The following OSBPL10 variants were observed in gnomAD, a reference collection of about 807,000 sequenced individuals.
OSBPL10 encodes oxysterol binding protein like 10, also known as oxysterol-binding protein-related protein 10.
In OSBPL10, 49 loss-of-function variants were observed where a neutral mutation model predicts 81.7. That is an observed-to-expected ratio of 0.60 (90% CI 0.48 to 0.76). The LOEUF (loss-of-function observed/expected upper bound fraction) is 0.76, where lower values mean the gene tolerates loss of function less well. Ranked by LOEUF, OSBPL10 falls within the 30% of genes least tolerant of loss-of-function variation. OSBPL10 has a pLI of 0.00. For synonymous variants in OSBPL10, 419 were observed against 383.6 expected (o/e 1.09, Z -1.08); for missense variants, 923 against 987.8 (o/e 0.93, Z 0.88).
chr3:31,667,997 C>T (rs1449324594), intron 10 of OSBPL10, among the ~76,000 whole-genome samples: 1 of 152,210 alleles, frequency 6.6e-6, no homozygotes, highest in South Asian at 2.1e-4. Context: ...ATTTACTTAA[C>T]CATTTTCCAA....
intron 1 of OSBPL10, among the ~76,000 whole-genome samples, chr3:31,915,684 T>C (rs1346045385): frequency 1.3e-5 from 2 of 152,092 alleles, no homozygotes; most frequent in Non-Finnish European, 2.9e-5. Flanking sequence ...GGATCATTCA[T>C]ACCTCAAACG....
chr3:31,733,126 A>G (rs1697028913), intron 6 of OSBPL10, 131 bp downstream of exon 6: 3 of 1,286,224 alleles, frequency 2.3e-6, no homozygotes, highest in Non-Finnish European at 3.2e-6. Context: ...TTGTCTCTCC[A>G]GGCAATTCTT....
At chr3:31,882,685 A>G (rs1016413926) in intron 1 of OSBPL10, among the ~76,000 whole-genome samples, 3 of 152,198 alleles carry the variant, frequency 2.0e-5, no homozygotes, top group Non-Finnish European at 4.4e-5. Flanking sequence ...ACACACACAC[A>G]CGCACTGGAA....
chr3:31,837,255 A>T (rs1279233737), intron 3 of OSBPL10, among the ~76,000 whole-genome samples: 4 of 142,582 alleles, frequency 2.8e-5, no homozygotes, highest in African/African-American at 1.0e-4. Context: ...ATCATCATAA[A>T]CACACAACAC....
chr3:32,076,938 G>A (rs1244016352), intron 1 of OSBPL10, among the ~76,000 whole-genome samples: 1 of 152,022 alleles, frequency 6.6e-6, no homozygotes, highest in Non-Finnish European at 1.5e-5. Context: ...CTGATATTTT[G>A]CAAAATAAAG....
chr3:32,029,185 A>C (rs1311782296), intron 2 of OSBPL10, among the ~76,000 whole-genome samples: 1 of 152,156 alleles, frequency 6.6e-6, no homozygotes, highest in African/African-American at 2.4e-5. Flanking sequence ...AGACCCCAGA[A>C]GTATGCCAAC....
intron 3 of OSBPL10, 33 bp from the exon 4 acceptor site, chr3:31,830,264 A>G: frequency 6.3e-7 from 1 of 1,582,146 alleles, no homozygotes; most frequent in Non-Finnish European, 8.6e-7. Context: ...AAACTCAACA[A>G]CTGACCTGCA....
chr3:31,874,271 A>G (rs76321083), intron 3 of OSBPL10, among the ~76,000 whole-genome samples: 4,238 of 152,256 alleles, frequency 0.028, 206 homozygotes, highest in African/African-American at 0.095. Flanking sequence ...TAATTAACCT[A>G]TAAACTCCTT....
At chr3:31,749,441 A>G (rs1398487283) in intron 4 of OSBPL10, among the ~76,000 whole-genome samples, 1 of 152,244 alleles carries the variant, frequency 6.6e-6, no homozygotes, top group East Asian at 1.9e-4. Context: ...CAGAGGATCT[A>G]CCTAGCCATT....
chr3:31,993,164 C>CTTATTTTATT (rs143583788), intron 2 of OSBPL10, among the ~76,000 whole-genome samples: 5,559 of 129,052 alleles, frequency 0.043, 191 homozygotes, highest in African/African-American at 0.061. Flanking sequence ...GTAAGAAAAC[C>CTTATTTTATT]TTATTTTATT....
chr3:31,940,297 G>T (rs966946836), intron 1 of OSBPL10, among the ~76,000 whole-genome samples: 3 of 152,218 alleles, frequency 2.0e-5, no homozygotes, highest in Non-Finnish European at 4.4e-5. Context: ...AAAGTATTAT[G>T]TTGACTTAAG....
chr3:31,689,335 T>C (rs761376261), intron 7 of OSBPL10, among the ~76,000 whole-genome samples: 129 of 152,150 alleles, frequency 8.5e-4, no homozygotes, highest in Non-Finnish European at 1.5e-3. Flanking sequence ...AGGACATGAT[T>C]GGGACAAGTT....
At chr3:31,820,424 G>A (rs535694835) in intron 4 of OSBPL10, among the ~76,000 whole-genome samples, 19 of 152,036 alleles carry the variant, frequency 1.2e-4, no homozygotes, top group African/African-American at 4.1e-4. Context: ...GTGAAACCCC[G>A]TTTCTACTAA....
rs1267934880 is a variant in OSBPL10, at chr3:32,005,581, GT to G, written n.298+40909del. Among the ~76,000 whole-genome samples the G allele has an allele frequency of 1.4e-4, 22 of 151,876 alleles. No individual in the cohort carries two copies. In the East Asian group the frequency reaches 4.3e-3, roughly 29 times the overall value. The stretch of plus-strand genomic sequence containing the variant: ...ATTGTCTGCCTCTTTAATGTTTTGG[GT>G]TTTTTTTGTTGTTGCTTTTTCTCTG... On this transcript the variant is annotated intron_variant and non_coding_transcript_variant, in intron 2 of 3. Coordinates refer to the OSBPL10 transcript ENST00000479173.
intron 4 of OSBPL10, among the ~76,000 whole-genome samples, chr3:31,806,752 T>C (rs994083290): frequency 7.3e-6 from 1 of 136,808 alleles, no homozygotes; most frequent in African/African-American, 2.8e-5. Context: ...AAGACCTGTG[T>C]GAGGAGGAGG....
intron 7 of OSBPL10, among the ~76,000 whole-genome samples, chr3:31,692,506 A>G (rs1387547041): frequency 6.6e-6 from 1 of 152,192 alleles, no homozygotes; most frequent in Admixed American, 6.5e-5. Flanking sequence ...GAAAGCTAAA[A>G]TGACTCACAA....
At chr3:31,871,643 G>C (rs996797290) in intron 3 of OSBPL10, among the ~76,000 whole-genome samples, 17 of 152,258 alleles carry the variant, frequency 1.1e-4, no homozygotes, top group African/African-American at 4.1e-4. Flanking sequence ...GGGCAAGGCA[G>C]GAGGATCGCT....
intron 1 of OSBPL10, among the ~76,000 whole-genome samples, chr3:31,979,857 C>G (rs1016707775): frequency 6.6e-6 from 1 of 152,076 alleles, no homozygotes; most frequent in Non-Finnish European, 1.5e-5. Context: ...GTGTCCATAA[C>G]TAGGCTTCTC....
chr3:31,931,562 T>C (rs1697251489), intron 1 of OSBPL10, among the ~76,000 whole-genome samples: 2 of 152,212 alleles, frequency 1.3e-5, no homozygotes, highest in Non-Finnish European at 2.9e-5. Context: ...GCTTACAGAA[T>C]GCCACGCTCC....
Sources: allele counts gnomAD v4.1 joint callset (sites outside exome capture counted in the v4.1 genomes callset), GRCh38; gene constraint gnomAD v4.1.1; transcripts MANE v1.5; gene names NCBI Gene and HGNC (gene_info 2026-07-23, HGNC 2026-07-21).